RARB: variants seen among roughly 807,000 people sequenced by gnomAD.
RARB encodes the protein HBV-activated protein.
In RARB, 17 loss-of-function variants were observed where a neutral mutation model predicts 51.9. The ratio of observed to expected loss-of-function variants is 0.33; its 90% confidence interval spans 0.22 to 0.49. The LOEUF (loss-of-function observed/expected upper bound fraction) is 0.49, where lower values mean the gene tolerates loss of function less well. Ranked by LOEUF, RARB falls within the 20% of genes least tolerant of loss-of-function variation. The probability of loss-of-function intolerance (pLI) is 0.99; values close to 1 mark genes in which losing one functional copy is unlikely to be tolerated. For missense variants in RARB, 369 were observed against 550.8 expected (o/e 0.67, Z 3.30); for synonymous variants, 215 against 195.4 (o/e 1.10, Z -0.84).
intron 5 of RARB, among the ~76,000 whole-genome samples, chr3:25,286,281 G>T (rs1483306977): frequency 6.6e-6 from 1 of 151,842 alleles, no homozygotes; most frequent in Non-Finnish European, 1.5e-5. Flanking sequence ...GCAGAGACGG[G>T]GTTTCACCGT....
intron 4 of RARB, among the ~76,000 whole-genome samples, chr3:25,153,360 T>G (rs75914493): frequency 0.03 from 4,588 of 152,296 alleles, 111 homozygotes; most frequent in Non-Finnish European, 0.048. Flanking sequence ...ATGAGCTGTC[T>G]GCCAAAATGT....
At chr3:24,966,709 T>G (rs1168990584) in intron 2 of RARB, among the ~76,000 whole-genome samples, 2 of 152,004 alleles carry the variant, frequency 1.3e-5, no homozygotes, top group African/African-American at 4.8e-5. Context: ...ACCAGGGTGT[T>G]GTCTAAAGTA....
intron 5 of RARB, among the ~76,000 whole-genome samples, chr3:25,286,560 C>T (rs555529110): frequency 5.3e-5 from 8 of 152,306 alleles, no homozygotes; most frequent in African/African-American, 1.9e-4. Context: ...TCATTATACA[C>T]CCTGTTCAAA....
chr3:25,567,072 G>A (rs1015636479), intron 3 of RARB, among the ~76,000 whole-genome samples: 1 of 152,146 alleles, frequency 6.6e-6, no homozygotes, highest in African/African-American at 2.4e-5. Flanking sequence ...CTTCAGAATC[G>A]ACTCAAACAG....
At chr3:25,293,267 C>T (rs1703832954) in intron 5 of RARB, among the ~76,000 whole-genome samples, 2 of 152,010 alleles carry the variant, frequency 1.3e-5, no homozygotes, top group Admixed American at 6.6e-5. Context: ...ACTTACTGGC[C>T]GTGTCAGTCT....
At chr3:25,286,912 C>G (rs1367036979) in intron 5 of RARB, among the ~76,000 whole-genome samples, 1 of 151,532 alleles carries the variant, frequency 6.6e-6, no homozygotes, top group Non-Finnish European at 1.5e-5. Context: ...ATCTATTTTA[C>G]AAGAAAATTT....
At chr3:25,254,449 C>T (rs1702808381) in intron 5 of RARB, among the ~76,000 whole-genome samples, 1 of 152,168 alleles carries the variant, frequency 6.6e-6, no homozygotes, top group African/African-American at 2.4e-5. Flanking sequence ...GAACTAATAG[C>T]ATTCCACTCT....
At chr3:24,902,827 G>A (rs974564006) in intron 2 of RARB, among the ~76,000 whole-genome samples, 4 of 152,030 alleles carry the variant, frequency 2.6e-5, no homozygotes, top group Admixed American at 1.3e-4. Flanking sequence ...CTGGTTATAT[G>A]GTGGATATTT....
intron 5 of RARB, among the ~76,000 whole-genome samples, chr3:25,414,066 G>A (rs547408846): frequency 0.038 from 3,473 of 92,518 alleles, 61 homozygotes; most frequent in Non-Finnish European, 0.054. Context: ...CCCTCCTGTC[G>A]CTCCCTTTTC....
chr3:25,554,651 T>TAAC (rs1699982668), intron 3 of RARB, among the ~76,000 whole-genome samples: 1 of 152,212 alleles, frequency 6.6e-6, no homozygotes, highest in African/African-American at 2.4e-5. Context: ...ACCCTCACAG[T>TAAC]GCCGGGCACA....
At chr3:25,589,481 G>A (rs1202800120) in intron 5 of RARB, among the ~76,000 whole-genome samples, 5 of 152,164 alleles carry the variant, frequency 3.3e-5, no homozygotes, top group African/African-American at 1.2e-4. Flanking sequence ...TGGATTGACC[G>A]CATAGTACTC....
At chr3:24,989,079 G>T (rs113770308) in intron 2 of RARB, among the ~76,000 whole-genome samples, 36 of 152,292 alleles carry the variant, frequency 2.4e-4, no homozygotes, top group African/African-American at 7.5e-4. Flanking sequence ...GCCTGTCTCG[G>T]CCTCCCAAAG....
chr3:25,383,029 A>G (rs1245143891), intron 5 of RARB, among the ~76,000 whole-genome samples: 1 of 152,186 alleles, frequency 6.6e-6, no homozygotes, highest in Non-Finnish European at 1.5e-5. Context: ...CCCGTTGTTA[A>G]CAATAGCACC....
chr3:24,861,186 A>G (rs1308343954), intron 2 of RARB, among the ~76,000 whole-genome samples: 2 of 151,914 alleles, frequency 1.3e-5, no homozygotes, highest in Admixed American at 6.5e-5. Flanking sequence ...CCTAAATAGT[A>G]TAGTATAACT....
At chr3:24,910,429 T>G (rs138020328) in intron 2 of RARB, among the ~76,000 whole-genome samples, 1 of 152,316 alleles carries the variant, frequency 6.6e-6, no homozygotes, top group African/African-American at 2.4e-5. Context: ...AATAATTGGA[T>G]GACATGTTTT....
chr3:25,410,488 T>C (rs1477024697), intron 5 of RARB, among the ~76,000 whole-genome samples: 1 of 152,248 alleles, frequency 6.6e-6, no homozygotes, highest in East Asian at 1.9e-4. Context: ...TTATTCACTT[T>C]GAATCTTGAG....
intron 3 of RARB, among the ~76,000 whole-genome samples, chr3:25,530,582 C>T (rs1477855586): frequency 6.6e-6 from 1 of 152,170 alleles, no homozygotes; most frequent in Admixed American, 6.5e-5. Flanking sequence ...CCAGCCATGG[C>T]CAGAGTCTTT....
At chr3:24,935,641 A>C (rs1179866960) in intron 2 of RARB, among the ~76,000 whole-genome samples, 1 of 152,208 alleles carries the variant, frequency 6.6e-6, no homozygotes, top group Admixed American at 6.5e-5. Context: ...AGGACGTAGA[A>C]GGCACTGCCA....
At chr3:25,500,451 C>CTTTTTTTTTTTTT (rs1553624117) in intron 2 of RARB, among the ~76,000 whole-genome samples, 1 of 49,924 alleles carries the variant, frequency 2.0e-5, no homozygotes, top group Non-Finnish European at 3.9e-5. Flanking sequence ...TCTTTCTTTT[C>CTTTTTTTTTTTTT]TTGTTTTTTT....
Sources: allele counts gnomAD v4.1 joint callset (sites outside exome capture counted in the v4.1 genomes callset), GRCh38; gene constraint gnomAD v4.1.1; transcripts MANE v1.5; gene names NCBI Gene and HGNC (gene_info 2026-07-23, HGNC 2026-07-21).